Variants in CUX1 observed in about 807,000 individuals in gnomAD.
CUX1 encodes protein CASP.
Under a neutral mutation model 158.8 loss-of-function variants are expected in CUX1, and 31 were observed. That is an observed-to-expected ratio of 0.20 (90% CI 0.15 to 0.26). CUX1 has a LOEUF of 0.26. CUX1 is among the 10% of genes least tolerant of loss of function. The pLI is 1.00. For synonymous variants in CUX1, 879 were observed against 862.1 expected (o/e 1.02, Z -0.34); for missense variants, 1,589 against 2,014.6 (o/e 0.79, Z 4.04).
chr7:101,816,290 C>A (rs1335017736), upstream of CUX1, among the ~76,000 whole-genome samples: 2 of 144,814 alleles, frequency 1.4e-5, no homozygotes. Flanking sequence ...CTCGCTTGAT[C>A]GGAAATTGAT....
intron 14 of CUX1, among the ~76,000 whole-genome samples, chr7:102,264,081 C>G (rs1790624644): frequency 6.8e-6 from 1 of 148,008 alleles, no homozygotes; most frequent in Non-Finnish European, 1.5e-5. Context: ...TGTCAGCTCA[C>G]TGCAACCTCC....
chr7:102,081,455 G>A (rs781980878), intron 4 of CUX1, among the ~76,000 whole-genome samples: 14 of 146,396 alleles, frequency 9.6e-5, no homozygotes, highest in East Asian at 3.8e-4. Context: ...CACGAGATCC[G>A]ATGGTTTTAT....
intron 4 of CUX1, among the ~76,000 whole-genome samples, chr7:102,079,482 C>A (rs1412511525): frequency 1.3e-5 from 2 of 151,912 alleles, no homozygotes; most frequent in Admixed American, 1.3e-4. Flanking sequence ...TTAGAAATAG[C>A]CCCTGGTTTT....
At chr7:102,232,650 AGCGGTG>A (rs1423912208) in intron 21 of CUX1, among the ~76,000 whole-genome samples, 7 of 152,200 alleles carry the variant, frequency 4.6e-5, no homozygotes, top group African/African-American at 1.7e-4. Context: ...TATCTTTACA[AGCGGTG>A]GCCCTCTAAA....
Position 102,258,054 on chromosome 7 carries a change from G to T in CUX1, c.*9012G>T, listed in dbSNP as rs1022920680. ...GTGGGGGTGGGGGAGGCACCCGTCG[G>T]CCCCTTGGTGTTGTCCCTCTGTCTT... On this transcript the variant is annotated 3_prime_UTR_variant, in exon 24 of 24. Transcript: ENST00000292535. The T allele has an allele frequency of 1.0e-6, 1 of 985,258 alleles. No homozygotes were observed. The highest frequency in any genetic ancestry group is 1.2e-6 in the Non-Finnish European group (1 of 829,904). 61.0% of individuals were successfully genotyped at this position (985,258 alleles called of 1,614,324 possible).
At chr7:102,148,484 A>G (rs1479092326) in intron 8 of CUX1, among the ~76,000 whole-genome samples, 7 of 152,104 alleles carry the variant, frequency 4.6e-5, no homozygotes, top group African/African-American at 9.7e-5. Context: ...CAGAGGTTGC[A>G]GTGAGCTGAG....
At chr7:101,995,377 T>TA (rs1423247311) in intron 2 of CUX1, among the ~76,000 whole-genome samples, 4 of 152,172 alleles carry the variant, frequency 2.6e-5, no homozygotes, top group Non-Finnish European at 5.9e-5. Context: ...TTCTGTCATT[T>TA]AAAAAAATGA....
intron 2 of CUX1, among the ~76,000 whole-genome samples, chr7:101,985,987 T>C (rs1814254030): frequency 1.3e-5 from 2 of 152,152 alleles, no homozygotes; most frequent in South Asian, 4.1e-4. Flanking sequence ...CCTTCCAGAG[T>C]GTCTCTGTTT....
At chr7:102,154,791 G>A (rs1421999771) in intron 8 of CUX1, among the ~76,000 whole-genome samples, 1 of 152,120 alleles carries the variant, frequency 6.6e-6, no homozygotes, top group Non-Finnish European at 1.5e-5. Context: ...CAGAATAGAA[G>A]TATTCAAATG....
chr7:102,213,317 G>A (rs969619309), intron 20 of CUX1, among the ~76,000 whole-genome samples: 4 of 152,206 alleles, frequency 2.6e-5, no homozygotes, highest in Admixed American at 1.3e-4. Flanking sequence ...CTTGGAAGTT[G>A]CCTGTTCATT....
chr7:102,217,704 G>A (rs1441147646), intron 20 of CUX1, among the ~76,000 whole-genome samples: 1 of 150,998 alleles, frequency 6.6e-6, no homozygotes, highest in African/African-American at 2.4e-5. Flanking sequence ...GGTGTCTAGA[G>A]GGAGGGAGGA....
chr7:101,888,923 C>G lies in CUX1; in HGVS notation c.31-27192C>G, dbSNP rs550629778. On this transcript the variant is annotated intron_variant, in intron 1 of 23. Transcript: ENST00000292535. ...GTCATTAAAGTTGAATTTTGGCACT[C>G]CTTGCAGAAACCCTACAAAGTTGGT... Among the ~76,000 whole-genome samples the G allele has an allele frequency of 5.3e-5, 8 of 152,096 alleles. No individual in the cohort carries two copies. In the East Asian group the frequency reaches 1.5e-3, roughly 29 times the overall value.
At chr7:102,180,778 C>T (rs1792959347) in intron 11 of CUX1, among the ~76,000 whole-genome samples, 2 of 151,802 alleles carry the variant, frequency 1.3e-5, no homozygotes, top group Non-Finnish European at 2.9e-5. Flanking sequence ...GGGTGAATTT[C>T]ACCCATTCAC....
rs1361275222 is a variant in CUX1 at position 102,205,175 on chromosome 7, G to A, written c.3130+5G>A. 1 of 1,605,850 alleles carries A rather than the reference G, an allele frequency of 6.2e-7. No homozygotes were observed. The stretch of plus-strand genomic sequence containing the variant: ...AGCAGGGCTGTGTGAGCTCAGGTAA[G>A]CAGCCAGTTTCTGTTGCTTTTGCAT... On this transcript the variant is annotated splice_donor_5th_base_variant and intron_variant, in intron 20 of 23. Coordinates refer to ENST00000292535, the MANE Select transcript of CUX1 (RefSeq NM_181552.4).
Position 102,250,377 on chromosome 7 carries a change from A to G in CUX1, c.*1335A>G. On this transcript the variant is annotated 3_prime_UTR_variant, in exon 24 of 24. Transcript: ENST00000292535. Reference sequence around the variant, plus strand: ...TGGCACAGAAGGCACCTCACCTCACACCACTCTCCTGGATACCTGATGAAC... The same window carrying G: ...TGGCACAGAAGGCACCTCACCTCACGCCACTCTCCTGGATACCTGATGAAC... 1 of 985,478 alleles carries G rather than the reference A, an allele frequency of 1.0e-6. No individual in the cohort carries two copies. Among genetic ancestry groups the G allele is most frequent in the Non-Finnish European group, 1.2e-6 (1 of 830,036 alleles). The allele number at this position is 985,478 out of a possible 1,614,324, so 61.0% of individuals were successfully genotyped here. A position where few individuals can be genotyped will look rare whatever the true frequency, so the allele number is the denominator to read the frequency against.
At chr7:102,073,920 T>C (rs985174614) in intron 4 of CUX1, among the ~76,000 whole-genome samples, 1 of 152,192 alleles carries the variant, frequency 6.6e-6, no homozygotes, top group Non-Finnish European at 1.5e-5. Flanking sequence ...TCAGAATACA[T>C]CTACATTCCA....
At position 102,239,439 on chromosome 7, in the gene CUX1, C is replaced by T; in HGVS notation, c.3742C>T (p.Arg1248Trp). The change falls in exon 23 of 24, where the codon CGG becomes TGG. Residue 1248 changes from arginine (R) to tryptophan (W), a missense_variant. Physicochemically the swap from Arg to Trp is moderately radical, Grantham distance 101. This residue lies in a region of CUX1 where 259 missense variants were observed against 373.8 expected (regional missense o/e 0.69). Coordinates refer to ENST00000292535, the MANE Select transcript of CUX1 (RefSeq NM_181552.4). The stretch of plus-strand genomic sequence containing the variant: ...GCCCCAGCACCAGCTGAAGAAACCC[C>T]GGGTGGTGCTGGCTCCGGAGGAGAA... ...PQPQHQLKKP[R>W]VVLAPEEKEA... 6.2e-7 allele frequency: 1 copy of T among 1,613,972 alleles called. No individual in the cohort carries two copies.
intron 5 of CUX1, among the ~76,000 whole-genome samples, chr7:102,103,206 C>A (rs201476): frequency 6.6e-6 from 1 of 152,172 alleles, no homozygotes; most frequent in African/African-American, 2.4e-5. Flanking sequence ...TTCCCCCAGG[C>A]TACGGCACCC....
At chr7:102,195,712 C>A in intron 14 of CUX1, 109 bp downstream of exon 14, 1 of 965,196 alleles carries the variant, frequency 1.0e-6, no homozygotes, top group Non-Finnish European at 1.5e-6. Context: ...GCCAGAGAAG[C>A]GCCGGTTGAC....
Sources: gnomAD v4.1 joint callset for allele counts (sites outside exome capture counted in the v4.1 genomes callset) on GRCh38, gnomAD v4.1.1 for gene constraint, gnomAD v4.1.1 regional missense constraint, MANE v1.5 for transcripts, NCBI Gene and HGNC (gene_info 2026-07-23, HGNC 2026-07-21) for gene names.